The following MBOAT1 variants were observed in gnomAD, a reference collection of about 807,000 sequenced individuals.
The protein encoded by MBOAT1 is membrane bound glycerophospholipid O-acyltransferase 1, also known as membrane-bound glycerophospholipid O-acyltransferase 1.
In MBOAT1, 67 loss-of-function variants were observed where a neutral mutation model predicts 64.4. That is an observed-to-expected ratio of 1.04 (90% CI 0.85 to 1.27). MBOAT1 has a LOEUF of 1.27. Ranked by LOEUF, MBOAT1 falls within the 50% of genes most tolerant of loss-of-function variation. The pLI is 0.00. For missense variants in MBOAT1, 563 were observed against 604.6 expected (o/e 0.93, Z 0.72); for synonymous variants, 229 against 218.9 (o/e 1.05, Z -0.41).
intron 4 of MBOAT1, among the ~76,000 whole-genome samples, chr6:20,140,512 A>G (rs1162902757): frequency 6.6e-6 from 1 of 152,204 alleles, no homozygotes; most frequent in African/African-American, 2.4e-5. Flanking sequence ...CGATCATCCA[A>G]TCCTTAGAGG....
chr6:20,150,535 T>C (rs765609024), intron 3 of MBOAT1, among the ~76,000 whole-genome samples: 8 of 151,456 alleles, frequency 5.3e-5, no homozygotes, highest in Non-Finnish European at 1.0e-4. Flanking sequence ...AGTATACCGA[T>C]CTTTCATTAT....
rs145957066 is a variant in MBOAT1, at chr6:20,161,171, T to C, written c.100-8402A>G. On this transcript the variant is annotated intron_variant, in intron 1 of 12. Transcript: ENST00000324607. ...CAGCAGCATTAGATTCTCATAGGAGTGCAAACCCTATGGTGAACCATGCAT... is the reference window on the plus strand; with the variant it reads ...CAGCAGCATTAGATTCTCATAGGAGCGCAAACCCTATGGTGAACCATGCAT... Among the ~76,000 whole-genome samples the C allele has an allele frequency of 4.6e-3, 695 of 151,958 alleles. 6 individuals carry two copies. Among genetic ancestry groups the C allele is most frequent in the African/African-American group, 0.016 (672 of 41,416 alleles).
At chr6:20,124,630 T>A in intron 7 of MBOAT1, 30 bp from the exon 8 acceptor site, 1 of 1,607,092 alleles carries the variant, frequency 6.2e-7, no homozygotes. Context: ...AGTGTCACCG[T>A]GCAGAAGGCT....
At chr6:20,175,313 A>C (rs1217456468) in intron 1 of MBOAT1, among the ~76,000 whole-genome samples, 1 of 151,820 alleles carries the variant, frequency 6.6e-6, no homozygotes, top group Non-Finnish European at 1.5e-5. Flanking sequence ...TGCAGTGGCG[A>C]GATTATAGGT....
At chr6:20,199,282 C>T (rs950852482) in intron 1 of MBOAT1, among the ~76,000 whole-genome samples, 3 of 152,200 alleles carry the variant, frequency 2.0e-5, no homozygotes, top group Admixed American at 6.5e-5. Context: ...AACAGAGCTT[C>T]ACCCTCTATC....
intron 4 of MBOAT1, among the ~76,000 whole-genome samples, chr6:20,133,410 C>A (rs1026117758): frequency 6.6e-6 from 1 of 152,232 alleles, no homozygotes; most frequent in African/African-American, 2.4e-5. Context: ...ACCCTCCTGA[C>A]AACAAGACTT....
intron 3 of MBOAT1, among the ~76,000 whole-genome samples, chr6:20,150,635 C>T (rs55770526): frequency 0.082 from 12,257 of 149,846 alleles, 1,649 homozygotes; most frequent in African/African-American, 0.28. Flanking sequence ...CAATCTTGGC[C>T]CACTGCAACC....
intron 1 of MBOAT1, among the ~76,000 whole-genome samples, chr6:20,200,991 A>G (rs1369715442): frequency 6.6e-6 from 1 of 152,186 alleles, no homozygotes; most frequent in Non-Finnish European, 1.5e-5. Flanking sequence ...TCACTCAAAC[A>G]CAGGAGGCAA....
intron 1 of MBOAT1, among the ~76,000 whole-genome samples, chr6:20,192,777 G>A (rs1446686611): frequency 2.0e-5 from 3 of 152,030 alleles, no homozygotes; most frequent in Admixed American, 1.3e-4. Context: ...TAAGGAATCA[G>A]GCTCCAAAAG....
Position 20,212,407 on chromosome 6 carries a change from AAACTCTCGAGGCG to A in MBOAT1, c.-186_-174del. On this transcript the variant is annotated 5_prime_UTR_variant, in exon 1 of 13. Transcript: ENST00000324607. The stretch of plus-strand genomic sequence containing the variant: ...GAACCGGCGCAAACTCTCGAGGCGC[AAACTCTCGAGGCG>A]CAAACTTGGCTTTGGCGCTGGCGCT... 1.6e-6 allele frequency: 1 copy of A among 625,884 alleles called. No individual in the cohort carries two copies. Among genetic ancestry groups the A allele is most frequent in the South Asian group, 2.0e-5 (1 of 51,210 alleles). 38.8% of individuals were successfully genotyped at this position (625,884 alleles called of 1,614,324 possible).
Position 20,147,592 on chromosome 6 carries a change from T to C in MBOAT1, c.324-3277A>G, listed in dbSNP as rs552403918. On this transcript the variant is annotated intron_variant, in intron 3 of 12. Transcript: ENST00000324607. Reference sequence around the variant, plus strand: ...AGGCAGAGGTTGCAGTGAGCCAAGATTGCGCCATCGCACTCCAGACTGGGC... The same window carrying C: ...AGGCAGAGGTTGCAGTGAGCCAAGACTGCGCCATCGCACTCCAGACTGGGC... Among the ~76,000 whole-genome samples the C allele has an allele frequency of 3.9e-5, 6 of 151,932 alleles. No individual in the cohort carries two copies. The East Asian group carries it at 9.7e-4, about 25-fold the overall frequency.
At chr6:20,193,530 T>C (rs1244655639) in intron 1 of MBOAT1, among the ~76,000 whole-genome samples, 4 of 151,606 alleles carry the variant, frequency 2.6e-5, no homozygotes, top group Admixed American at 2.0e-4. Context: ...CAGAGAAAAA[T>C]ACTTCTCTTA....
At chr6:20,199,794 C>A (rs1218475048) in intron 1 of MBOAT1, among the ~76,000 whole-genome samples, 2 of 152,030 alleles carry the variant, frequency 1.3e-5, no homozygotes, top group Admixed American at 6.6e-5. Context: ...ATGGTGAAAC[C>A]CTGTCTCTAC....
At position 20,144,129 on chromosome 6, in the gene MBOAT1, G is replaced by A. The variant is rs1561760898; in HGVS notation, c.419+91C>T. On this transcript the variant is annotated intron_variant, in intron 4 of 12. Coordinates refer to ENST00000324607, the MANE Select transcript of MBOAT1 (RefSeq NM_001080480.3). ...CCAACTGATTTAACCAAGCACCAAC[G>A]ATTCTTTTGTGCACCCTTGATGTTT... is the stretch of plus-strand genomic sequence containing the variant. 1.1e-5 allele frequency: 9 copies of A among 802,640 alleles called. 1 individual carries two copies. Among genetic ancestry groups the A allele is most frequent in the South Asian group, 9.9e-5 (6 of 60,642 alleles). The allele number at this position is 802,640 out of a possible 1,614,324, so 49.7% of individuals were successfully genotyped here.
chr6:20,121,359 C>A lies in MBOAT1; in HGVS notation c.908-2819G>T, dbSNP rs183054900. 2.6e-3 allele frequency among the ~76,000 whole-genome samples: 394 copies of A among 152,314 alleles called. 8 individuals carry two copies. Among genetic ancestry groups the A allele is most frequent in the Middle Eastern group, 0.014 (4 of 294 alleles). ...AAGACAAAGGTTAATTTCAGACCAG[C>A]CCGTGCAATCTAAACTGTAACAAAC... is the stretch of plus-strand genomic sequence containing the variant. On this transcript the variant is annotated intron_variant, in intron 8 of 12. Transcript: ENST00000324607.
chr6:20,174,349 T>C (rs1386756169), intron 1 of MBOAT1, among the ~76,000 whole-genome samples: 10 of 152,230 alleles, frequency 6.6e-5, no homozygotes, highest in Non-Finnish European at 1.5e-4. Flanking sequence ...ACCTACTGCA[T>C]ACCTAGGCTA....
chr6:20,179,902 G>A (rs144950181), intron 1 of MBOAT1, among the ~76,000 whole-genome samples: 3 of 143,538 alleles, frequency 2.1e-5, no homozygotes, highest in Non-Finnish European at 3.0e-5. Flanking sequence ...TGCATTTCTC[G>A]AAAGATCAGT....
At chr6:20,156,331 T>C (rs1433407854) in intron 1 of MBOAT1, among the ~76,000 whole-genome samples, 1 of 152,090 alleles carries the variant, frequency 6.6e-6, no homozygotes, top group Non-Finnish European at 1.5e-5. Flanking sequence ...AATCCTTTCC[T>C]TGACTGTTCA....
At position 20,123,233 on chromosome 6, in the gene MBOAT1, G is replaced by A. The variant is rs367788315; in HGVS notation, c.907+1175C>T. On this transcript the variant is annotated intron_variant, in intron 8 of 12. Coordinates refer to ENST00000324607, the MANE Select transcript of MBOAT1 (RefSeq NM_001080480.3). ...GAACTGAGAGAGAAGAGGAACTCAA[G>A]GAATTAAGTGCTATTCCCTCATTCG... is the stretch of plus-strand genomic sequence containing the variant. Among the ~76,000 whole-genome samples the A allele has an allele frequency of 1.5e-4, 23 of 152,286 alleles. No homozygotes were observed. The East Asian group carries it at 4.4e-3, about 29-fold the overall frequency.
Sources: allele counts gnomAD v4.1 joint callset (sites outside exome capture counted in the v4.1 genomes callset), GRCh38; gene constraint gnomAD v4.1.1; transcripts MANE v1.5; gene names NCBI Gene and HGNC (gene_info 2026-07-23, HGNC 2026-07-21).